METTL6: variants seen among roughly 807,000 people sequenced by gnomAD.
The protein encoded by METTL6 is methyltransferase 6, tRNA N3-cytidine.
In METTL6, 22 loss-of-function variants were observed where a neutral mutation model predicts 26.4. The observed-to-expected ratio is 0.83, with a 90% CI of 0.59 to 1.19. The LOEUF is 1.19. Ranked by LOEUF, METTL6 falls within the 50% of genes most tolerant of loss-of-function variation. METTL6 has a pLI of 0.00. For synonymous variants in METTL6, 109 were observed against 116.2 expected, an observed-to-expected ratio of 0.94 and a Z score of 0.40; for missense variants, 304 against 324.8, an observed-to-expected ratio of 0.94 and a Z score of 0.49.
At chr3:15,394,079 C>T (rs957308638) in intron 6 of METTL6, among the ~76,000 whole-genome samples, 22 of 152,282 alleles carry the variant, frequency 1.4e-4, no homozygotes, top group African/African-American at 4.8e-4. Flanking sequence ...ATGGTACCAG[C>T]TCCTCCTTGA....
At position 15,410,270 on chromosome 3, in the gene METTL6, GAAC is replaced by G. The variant is rs1302762939; in HGVS notation, c.*983_*985del. Among the ~76,000 whole-genome samples the G allele has an allele frequency of 4.0e-5, 6 of 151,854 alleles. No homozygotes were observed. The highest frequency in any genetic ancestry group is 4.2e-4 in the South Asian group (2 of 4,800). The stretch of plus-strand genomic sequence containing the variant: ...ATGGTACCAAACTCTAAAAAAAAAA[GAAC>G]AACTTTAACAATATACCGTAATAAA... On this transcript the variant is annotated 3_prime_UTR_variant, in exon 6 of 6. Coordinates refer to ENST00000383790, the MANE Select transcript of METTL6 (RefSeq NM_152396.4).
At chr3:15,392,815 G>A (rs899841301) in intron 6 of METTL6, among the ~76,000 whole-genome samples, 1 of 152,058 alleles carries the variant, frequency 6.6e-6, no homozygotes, top group African/African-American at 2.4e-5. Flanking sequence ...GTAGATATGT[G>A]GCATTATTTC....
At chr3:15,394,223 T>C (rs1412839182) in intron 6 of METTL6, among the ~76,000 whole-genome samples, 1 of 152,246 alleles carries the variant, frequency 6.6e-6, no homozygotes, top group Non-Finnish European at 1.5e-5. Context: ...GGTTTAGTCT[T>C]GGGAGAGTGT....
chr3:15,415,860 G>T lies in METTL6; in HGVS notation c.443C>A (p.Pro148Gln), dbSNP rs754231979. Residue 148 changes from proline (P) to glutamine (Q), a missense_variant, in exon 4 of 6, where the codon CCA becomes CAA. Pro to Gln is a moderately conservative substitution (Grantham distance 76). Coordinates refer to ENST00000383790, the MANE Select transcript of METTL6 (RefSeq NM_152396.4). ...TKDDLLDHVP[P>Q]ESVDVVMLIF... ...CAACATAACAACATCCACAGACTCT[G>T]GCGGTACATGATCCAGAAGATCATC... 4 of 1,614,018 alleles carry T rather than the reference G, an allele frequency of 2.5e-6. No individual in the cohort carries two copies. The African/African-American group carries it at 5.3e-5, about 22-fold the overall frequency.
intron 2 of METTL6, 110 bp from the exon 3 acceptor site, chr3:15,425,199 A>T: frequency 8.6e-7 from 1 of 1,162,202 alleles, no homozygotes; most frequent in Non-Finnish European, 1.2e-6. Flanking sequence ...GGAGCAGACG[A>T]TCAACAAGAG....
rs753997076 is a variant in METTL6, at chr3:15,411,350, CCTT to C, written c.758_760del (p.Glu253del). The C allele has an allele frequency of 1.2e-6, 2 of 1,614,196 alleles. No individual in the cohort carries two copies. The highest frequency in any genetic ancestry group is 2.2e-5 in the South Asian group (2 of 91,092). On this transcript the variant is annotated inframe_deletion, in exon 6 of 6. Transcript: ENST00000383790. ...AAGGAAAACTCTTGGCACACACAGG[CCTT>C]CTTTTTTATTCACCGTCTCTCGAAA...
exon 7 of METTL6, chr3:15,384,139 A>G (rs776387243): frequency 2.5e-6 from 1 of 404,436 alleles, no homozygotes; most frequent in Admixed American, 3.4e-5. Flanking sequence ...ACAAAAGCAC[A>G]GCCAGATATC....
intron 6 of METTL6, among the ~76,000 whole-genome samples, chr3:15,391,831 C>T (rs9864920): frequency 0.77 from 117,304 of 151,910 alleles, 45,561 homozygotes; most frequent in East Asian, 0.94. Context: ...CATGAACTCA[C>T]CATTTTTTAT....
intron 6 of METTL6, among the ~76,000 whole-genome samples, chr3:15,398,414 G>A (rs1013374540): frequency 5.3e-5 from 8 of 152,062 alleles, no homozygotes; most frequent in East Asian, 1.9e-4. Context: ...GGCTGGCCTC[G>A]AGCTCGTGAC....
At chr3:15,395,802 T>A (rs1016122995) in intron 6 of METTL6, among the ~76,000 whole-genome samples, 1 of 152,226 alleles carries the variant, frequency 6.6e-6, no homozygotes, top group Non-Finnish European at 1.5e-5. Flanking sequence ...TTCTTTTCTT[T>A]AAGAATGTTG....
At chr3:15,395,294 T>C (rs185157934) in intron 6 of METTL6, among the ~76,000 whole-genome samples, 13 of 152,232 alleles carry the variant, frequency 8.5e-5, no homozygotes, top group East Asian at 7.7e-4. Context: ...GGTTTAAAGT[T>C]TGTTTTATCA....
intron 6 of METTL6, among the ~76,000 whole-genome samples, chr3:15,394,429 T>G (rs1308994175): frequency 6.6e-6 from 1 of 152,244 alleles, no homozygotes; most frequent in Non-Finnish European, 1.5e-5. Flanking sequence ...TCAATTTTGT[T>G]GATCTTTTCA....
chr3:15,427,005 G>T (rs73816561), intron 1 of METTL6, among the ~76,000 whole-genome samples: 3,289 of 152,338 alleles, frequency 0.022, 100 homozygotes, highest in African/African-American at 0.072. Flanking sequence ...GCTGGAAGCG[G>T]GTGGTCAATT....
chr3:15,393,430 T>C (rs1231092808), intron 6 of METTL6, among the ~76,000 whole-genome samples: 1 of 152,222 alleles, frequency 6.6e-6, no homozygotes, highest in Non-Finnish European at 1.5e-5. Flanking sequence ...TATACAATCA[T>C]GTCATCTGCA....
intron 3 of METTL6, among the ~76,000 whole-genome samples, chr3:15,423,689 G>A (rs868008962): frequency 6.6e-6 from 1 of 151,526 alleles, no homozygotes; most frequent in Non-Finnish European, 1.5e-5. Flanking sequence ...CCTGGGCAAC[G>A]CAGTGAGACC....
At chr3:15,386,022 G>A (rs1453422942) in intron 6 of METTL6, among the ~76,000 whole-genome samples, 3 of 152,182 alleles carry the variant, frequency 2.0e-5, no homozygotes, top group Non-Finnish European at 4.4e-5. Flanking sequence ...ACAAAAGAAT[G>A]GCTCCTCCAT....
intron 6 of METTL6, among the ~76,000 whole-genome samples, chr3:15,398,575 C>T (rs1699555238): frequency 1.3e-5 from 2 of 152,170 alleles, no homozygotes; most frequent in South Asian, 2.1e-4. Flanking sequence ...AGGCCAGCCA[C>T]CATGGCTCAC....
chr3:15,387,352 ACTGTATCCTGTTTTATCAGTAAGGT>A (rs1699227120), intron 6 of METTL6, among the ~76,000 whole-genome samples: 1 of 152,086 alleles, frequency 6.6e-6, no homozygotes, highest in South Asian at 2.1e-4. Flanking sequence ...CAGCTTCTTT[ACTGTATCCTGTTTTATCAGTAAGGT>A]CTTTGTGACC....
exon 7 of METTL6, chr3:15,384,090 A>G (rs1224645819): frequency 7.5e-6 from 3 of 401,312 alleles, no homozygotes; most frequent in African/African-American, 2.2e-5. Flanking sequence ...ACTGAAAACA[A>G]TATCATACTG....
Sources: allele counts gnomAD v4.1 joint callset (sites outside exome capture counted in the v4.1 genomes callset), GRCh38; gene constraint gnomAD v4.1.1; transcripts MANE v1.5; gene names NCBI Gene and HGNC (gene_info 2026-07-23, HGNC 2026-07-21).